PTTG1IP: variants seen among roughly 807,000 people sequenced by gnomAD.
PTTG1IP encodes PTTG1 interacting protein.
Under a neutral mutation model 24.4 loss-of-function variants are expected in PTTG1IP, and 16 were observed. That is an observed-to-expected ratio of 0.66 (90% CI 0.44 to 1.00). The LOEUF (loss-of-function observed/expected upper bound fraction) is 1.00. Ranked by LOEUF, PTTG1IP falls within the 50% of genes least tolerant of loss-of-function variation. PTTG1IP has a pLI of 0.00. For missense variants in PTTG1IP, 241 were observed against 245.8 expected, an observed-to-expected ratio of 0.98 and a Z score of 0.13; for synonymous variants, 89 against 96.8, an observed-to-expected ratio of 0.92 and a Z score of 0.47.
chr21:44,860,062 A>G (rs1869860950), intron 3 of PTTG1IP, among the ~76,000 whole-genome samples: 3 of 152,180 alleles, frequency 2.0e-5, no homozygotes, highest in South Asian at 4.1e-4. Flanking sequence ...ACACACCACA[A>G]ACTGATTTAA....
chr21:44,861,586 T>G, intron 2 of PTTG1IP: 1 of 638,498 alleles, frequency 1.6e-6, no homozygotes, highest in Non-Finnish European at 2.9e-6. Context: ...CAACCCCACC[T>G]CATGCTCTCA....
At chr21:44,852,850 G>A (rs576168546) in intron 5 of PTTG1IP, among the ~76,000 whole-genome samples, 28 of 152,312 alleles carry the variant, frequency 1.8e-4, no homozygotes, top group Admixed American at 6.5e-4. Flanking sequence ...GGACTCACAT[G>A]CTTTCTCGCA....
Position 44,865,458 on chromosome 21 carries a change from G to A in PTTG1IP, c.116-11C>T. The A allele has an allele frequency of 1.9e-6, 3 of 1,614,100 alleles. No homozygotes were observed. Among genetic ancestry groups the A allele is most frequent in the Non-Finnish European group, 2.5e-6 (3 of 1,179,930 alleles). On this transcript the variant is annotated splice_polypyrimidine_tract_variant and intron_variant, in intron 1 of 5. Transcript: ENST00000330938. ...TGTTCTGAGAACAAGCTGCAGGAAA[G>A]AGGCAAGAGACAAGTCAGTCACTGA...
chr21:44,850,084 A>T lies in PTTG1IP; in HGVS notation c.*1497T>A, dbSNP rs2083400200. 1 of 152,208 alleles carries T rather than the reference A, an allele frequency of 6.6e-6. No individual in the cohort carries two copies. Among genetic ancestry groups the T allele is most frequent in the South Asian group, 2.1e-4 (1 of 4,834 alleles). The allele number at this position is 152,208 out of a possible 1,614,324, so 9.4% of individuals were successfully genotyped here. A position where few individuals can be genotyped will look rare whatever the true frequency, so the allele number is the denominator to read the frequency against. The stretch of plus-strand genomic sequence containing the variant: ...CCGGTACAGATGTACACAGTCAAAA[A>T]GGCTTATCGAGCTGTTTGACGAGTT... On this transcript the variant is annotated 3_prime_UTR_variant, in exon 6 of 6. Transcript: ENST00000330938.
chr21:44,871,331 C>G (rs2083583821), intron 1 of PTTG1IP, among the ~76,000 whole-genome samples: 1 of 152,168 alleles, frequency 6.6e-6, no homozygotes, highest in African/African-American at 2.4e-5. Flanking sequence ...GCACTGGCCA[C>G]CACTGCGCCA....
intron 2 of PTTG1IP, among the ~76,000 whole-genome samples, chr21:44,864,791 C>T (rs570719645): frequency 2.0e-5 from 3 of 152,352 alleles, no homozygotes; most frequent in East Asian, 1.9e-4. Context: ...CAGTCTCCAT[C>T]GGGAAGGCAC....
rs565548433 is a variant in PTTG1IP, at chr21:44,851,061, T to C, written c.*520A>G. The C allele has an allele frequency of 6.3e-6, 2 of 317,486 alleles. No individual in the cohort carries two copies. The highest frequency in any genetic ancestry group is 1.4e-4 in the South Asian group (2 of 14,612). 19.7% of individuals were successfully genotyped at this position (317,486 alleles called of 1,614,324 possible). On this transcript the variant is annotated 3_prime_UTR_variant, in exon 6 of 6. Coordinates refer to ENST00000330938, the MANE Select transcript of PTTG1IP (RefSeq NM_004339.4). ...GACTGTGTACTGGAGCCCCGTGTCA[T>C]CAGCAAAAGCCGTGTGAGTCAACAG... is the stretch of plus-strand genomic sequence containing the variant.
chr21:44,863,489 C>A (rs1176849637), intron 2 of PTTG1IP, among the ~76,000 whole-genome samples: 2 of 152,230 alleles, frequency 1.3e-5, no homozygotes, highest in African/African-American at 2.4e-5. Context: ...TGGAGTCAGG[C>A]CTTCAGCCCT....
intron 2 of PTTG1IP, among the ~76,000 whole-genome samples, chr21:44,861,565 C>A (rs1267223999): frequency 1.3e-5 from 2 of 152,180 alleles, no homozygotes; most frequent in Non-Finnish European, 2.9e-5. Context: ...TGGCAGCCTC[C>A]TGAGTGCTGC....
chr21:44,869,458 A>C (rs1231239298), intron 1 of PTTG1IP, among the ~76,000 whole-genome samples: 1 of 152,208 alleles, frequency 6.6e-6, no homozygotes, highest in Non-Finnish European at 1.5e-5. Context: ...TTGTCAATTT[A>C]CAATACATTT....
In PTTG1IP at chr21:44,850,166, G is replaced by T. The variant is rs1489501242; in HGVS notation, c.*1415C>A. ...TGAACTTTAGTTCACGCTGAAGACA[G>T]TCTTCTCAGTTTTCATGACTGTGAA... On this transcript the variant is annotated 3_prime_UTR_variant, in exon 6 of 6. Transcript: ENST00000330938. 2 of 152,230 alleles carry T rather than the reference G, an allele frequency of 1.3e-5. No homozygotes were observed. Among genetic ancestry groups the T allele is most frequent in the African/African-American group, 2.4e-5 (1 of 41,442 alleles). The allele number at this position is 152,230 out of a possible 1,614,324, so 9.4% of individuals were successfully genotyped here. A position where few individuals can be genotyped will look rare whatever the true frequency, so the allele number is the denominator to read the frequency against.
chr21:44,855,170 C>T (rs1360294035), intron 5 of PTTG1IP, 40 bp downstream of exon 5: 1 of 1,574,588 alleles, frequency 6.4e-7, no homozygotes, highest in Non-Finnish European at 8.7e-7. Flanking sequence ...CGTGCCATCG[C>T]CTCCCAACCA....
At chr21:44,861,390 A>C in intron 2 of PTTG1IP, 119 bp from the exon 3 acceptor site, 1 of 819,496 alleles carries the variant, frequency 1.2e-6, no homozygotes, top group Non-Finnish European at 1.9e-6. Flanking sequence ...TAAAGGCTCA[A>C]CCTCCCCCTC....
At position 44,849,598 on chromosome 21, in the gene PTTG1IP, C is replaced by T. The variant is rs866694080; in HGVS notation, c.*1983G>A. 3 of 152,734 alleles carry T rather than the reference C, an allele frequency of 2.0e-5. No individual in the cohort carries two copies. Among genetic ancestry groups the T allele is most frequent in the Middle Eastern group, 3.4e-3 (1 of 294 alleles). The allele number at this position is 152,734 out of a possible 1,614,324, so 9.5% of individuals were successfully genotyped here. On this transcript the variant is annotated 3_prime_UTR_variant, in exon 6 of 6. Transcript: ENST00000330938. ...GAACACGCAGCATACTAAACACACGCAGGTAGTAAACCGTTTTATTGGAAA... is the reference window on the plus strand; with the variant it reads ...GAACACGCAGCATACTAAACACACGTAGGTAGTAAACCGTTTTATTGGAAA...
rs768160683 is a variant in PTTG1IP at position 44,865,378 on chromosome 21, G to C, written c.168+17C>G. The stretch of plus-strand genomic sequence containing the variant: ...GGTCTGGACGGCACTCTGGTCTCTA[G>C]TCCACGTGCTACTTACGGAGACGTT... On this transcript the variant is annotated intron_variant, in intron 2 of 5. Coordinates refer to ENST00000330938, the MANE Select transcript of PTTG1IP (RefSeq NM_004339.4). The C allele has an allele frequency of 6.2e-7, 1 of 1,613,404 alleles. No homozygotes were observed. The highest frequency in any genetic ancestry group is 1.3e-5 in the African/African-American group (1 of 74,902).
chr21:44,861,591 C>T (rs913261795), intron 2 of PTTG1IP: 4 of 645,012 alleles, frequency 6.2e-6, no homozygotes, highest in Non-Finnish European at 8.5e-6. Flanking sequence ...CCACCTCATG[C>T]TCTCAGCCTC....
chr21:44,866,209 AACACACACACAC>A (rs35473745), intron 1 of PTTG1IP, among the ~76,000 whole-genome samples: 17 of 124,500 alleles, frequency 1.4e-4, no homozygotes, highest in Admixed American at 5.1e-4. Flanking sequence ...CCAATCCTGT[AACACACACACAC>A]ACACACACAC....
At chr21:44,862,456 T>A (rs1435149219) in intron 2 of PTTG1IP, among the ~76,000 whole-genome samples, 1 of 152,106 alleles carries the variant, frequency 6.6e-6, no homozygotes, top group African/African-American at 2.4e-5. Context: ...GAGGCGCAGG[T>A]TGCGGTGAGC....
chr21:44,857,161 G>A (rs2083455901), intron 3 of PTTG1IP, among the ~76,000 whole-genome samples: 2 of 152,226 alleles, frequency 1.3e-5, no homozygotes, highest in African/African-American at 4.8e-5. Flanking sequence ...TTTTGCAAAT[G>A]TGTTTTCAAT....
Sources: gnomAD v4.1 joint callset for allele counts (sites outside exome capture counted in the v4.1 genomes callset) on GRCh38, gnomAD v4.1.1 for gene constraint, MANE v1.5 for transcripts, NCBI Gene and HGNC (gene_info 2026-07-23, HGNC 2026-07-21) for gene names.